Variants in ATP11A observed in about 807,000 individuals in gnomAD.
The protein encoded by ATP11A is phospholipid-transporting ATPase IH.
In ATP11A, 81 loss-of-function variants were observed where a neutral mutation model predicts 154.4. The observed-to-expected ratio is 0.52, with a 90% CI of 0.44 to 0.63. ATP11A has a LOEUF of 0.63. ATP11A is among the 30% of genes least tolerant of loss of function. The pLI, the probability that ATP11A is intolerant of heterozygous loss-of-function variation, is 0.00. For synonymous variants in ATP11A, 623 were observed against 585.9 expected, an observed-to-expected ratio of 1.06 and a Z score of -0.91; for missense variants, 1,316 against 1,474.3, an observed-to-expected ratio of 0.89 and a Z score of 1.76.
intron 1 of ATP11A, among the ~76,000 whole-genome samples, chr13:112,700,261 C>T (rs1374151567): frequency 3.9e-5 from 6 of 152,116 alleles, no homozygotes; most frequent in Non-Finnish European, 7.4e-5. Flanking sequence ...CTGTCCTTAG[C>T]GTGCCCACCC....
At chr13:112,815,736 C>G (rs1287490921) in intron 5 of ATP11A, among the ~76,000 whole-genome samples, 1 of 152,204 alleles carries the variant, frequency 6.6e-6, no homozygotes, top group East Asian at 1.9e-4. Flanking sequence ...AACTCGATTA[C>G]CTGGTTCATA....
At chr13:112,846,478 G>A (rs930609243) in intron 17 of ATP11A, among the ~76,000 whole-genome samples, 2 of 152,206 alleles carry the variant, frequency 1.3e-5, no homozygotes, top group African/African-American at 4.8e-5. Flanking sequence ...GCGTGGTTTT[G>A]TATCCTCATG....
chr13:112,777,656 T>A (rs2077380383), intron 1 of ATP11A, among the ~76,000 whole-genome samples: 1 of 152,268 alleles, frequency 6.6e-6, no homozygotes, highest in Non-Finnish European at 1.5e-5. Context: ...TGACATTTTC[T>A]CTGAGGCTGC....
chr13:112,816,453 A>G (rs1330325143), intron 6 of ATP11A, among the ~76,000 whole-genome samples: 1 of 152,126 alleles, frequency 6.6e-6, no homozygotes, highest in Non-Finnish European at 1.5e-5. Context: ...ATGTTATAAG[A>G]TACATATTTT....
chr13:112,814,943 A>G (rs2078601993), intron 5 of ATP11A, among the ~76,000 whole-genome samples: 1 of 152,232 alleles, frequency 6.6e-6, no homozygotes, highest in African/African-American at 2.4e-5. Flanking sequence ...CCATTTGGGA[A>G]GAGTAACCCT....
intron 1 of ATP11A, among the ~76,000 whole-genome samples, chr13:112,738,330 G>A (rs282602): frequency 0.23 from 35,397 of 151,866 alleles, 5,355 homozygotes; most frequent in African/African-American, 0.43. Flanking sequence ...TTGAGATCAC[G>A]CCACGGCACT....
intron 1 of ATP11A, among the ~76,000 whole-genome samples, chr13:112,780,624 C>T (rs569641850): frequency 1.3e-5 from 2 of 152,226 alleles, no homozygotes; most frequent in South Asian, 2.1e-4. Context: ...AGGAGTCGCT[C>T]GAGATGTTTC....
chr13:112,766,412 G>T (rs962841048), intron 1 of ATP11A, among the ~76,000 whole-genome samples: 3 of 152,180 alleles, frequency 2.0e-5, no homozygotes, highest in African/African-American at 7.2e-5. Context: ...GTGCTGGGGG[G>T]AGAAGCCCCT....
At chr13:112,865,413 G>C (rs1394489977) in intron 25 of ATP11A, among the ~76,000 whole-genome samples, 3 of 144,968 alleles carry the variant, frequency 2.1e-5, no homozygotes, top group African/African-American at 4.9e-5. Flanking sequence ...CACATGTGCA[G>C]TAATTCAGTG....
intron 1 of ATP11A, among the ~76,000 whole-genome samples, chr13:112,760,189 G>A (rs1301602345): frequency 6.6e-6 from 1 of 152,206 alleles, no homozygotes; most frequent in Non-Finnish European, 1.5e-5. Flanking sequence ...CAGAAAGTGG[G>A]AATAAAAGTA....
At chr13:112,858,807 A>T (rs916313072) in intron 22 of ATP11A, 1 of 162,058 alleles carries the variant, frequency 6.2e-6, no homozygotes, top group Non-Finnish European at 1.4e-5. Context: ...ATATTATTAT[A>T]GTTATTCTAT....
In ATP11A at chr13:112,884,917, T is replaced by C. The variant is rs568611502; in HGVS notation, c.*3051T>C. On this transcript the variant is annotated 3_prime_UTR_variant, in exon 30 of 30. Transcript: ENST00000375645. ...ACGCACAGTGGGCCTGCTGCATGCG[T>C]GTTACCTGGCTTTTGGCTCCACGCT... is the stretch of plus-strand genomic sequence containing the variant. 3.3e-5 allele frequency: 5 copies of C among 152,560 alleles called. No individual in the cohort carries two copies. Among genetic ancestry groups the C allele is most frequent in the Admixed American group, 3.3e-4 (5 of 15,304 alleles). 9.5% of individuals were successfully genotyped at this position (152,560 alleles called of 1,614,324 possible).
intron 1 of ATP11A, among the ~76,000 whole-genome samples, chr13:112,735,998 TGCGCATGCTCAGAGCAG>T (rs1237200729): frequency 3.9e-5 from 6 of 152,066 alleles, no homozygotes; most frequent in Non-Finnish European, 8.8e-5. Context: ...AGCCTCCGTA[TGCGCATGCTCAGAGCAG>T]GTGCAGGGCC....
At chr13:112,698,722 A>T (rs1189194131) in intron 1 of ATP11A, among the ~76,000 whole-genome samples, 2 of 134,058 alleles carry the variant, frequency 1.5e-5, no homozygotes, top group African/African-American at 2.6e-5. Context: ...ATTTATCTTT[A>T]TTTATTTATT....
At chr13:112,752,913 G>A (rs77473929) in intron 1 of ATP11A, among the ~76,000 whole-genome samples, 2,126 of 152,288 alleles carry the variant, frequency 0.014, 45 homozygotes, top group African/African-American at 0.039. Flanking sequence ...CGAAGGAGCC[G>A]TGTCCTTTGG....
chr13:112,693,940 G>A (rs1039004185), intron 1 of ATP11A, among the ~76,000 whole-genome samples: 2 of 152,180 alleles, frequency 1.3e-5, no homozygotes, highest in South Asian at 2.1e-4. Flanking sequence ...CAACAAGAGC[G>A]AAACTCGTCT....
At chr13:112,708,813 C>T (rs945022456) in intron 1 of ATP11A, among the ~76,000 whole-genome samples, 4 of 152,192 alleles carry the variant, frequency 2.6e-5, no homozygotes, top group Non-Finnish European at 5.9e-5. Context: ...AGTGGCTCTC[C>T]CGCCTGTGTT....
chr13:112,835,577 GC>G (rs1280606631), intron 15 of ATP11A, among the ~76,000 whole-genome samples: 1 of 152,194 alleles, frequency 6.6e-6, no homozygotes, highest in Non-Finnish European at 1.5e-5. Context: ...TCAGGGCTCT[GC>G]CAAGGGACCC....
chr13:112,843,347 G>A (rs867698306), intron 17 of ATP11A, among the ~76,000 whole-genome samples: 13 of 152,242 alleles, frequency 8.5e-5, no homozygotes, highest in Middle Eastern at 3.4e-3. Context: ...GGGTGGACGC[G>A]CTCCCTCTGC....
Sources: gnomAD v4.1 joint callset for allele counts (sites outside exome capture counted in the v4.1 genomes callset) on GRCh38, gnomAD v4.1.1 for gene constraint, MANE v1.5 for transcripts, NCBI Gene and HGNC (gene_info 2026-07-23, HGNC 2026-07-21) for gene names.